Variants in SUMF1 observed in about 807,000 individuals in gnomAD.
SUMF1 encodes sulfatase modifying factor 1.
In SUMF1, 48 loss-of-function variants were observed where a neutral mutation model predicts 47.6. The ratio of observed to expected loss-of-function variants is 1.01; its 90% CI spans 0.80 to 1.28. The LOEUF is 1.28. Among genes scored for constraint, SUMF1 ranks in the 50% most tolerant of loss-of-function variants. SUMF1 has a pLI of 0.00. For missense variants in SUMF1, 571 were observed against 485.4 expected, an observed-to-expected ratio of 1.18 and a Z score of -1.66; for synonymous variants, 230 against 192.1, an observed-to-expected ratio of 1.20 and a Z score of -1.63.
intron 9 of SUMF1, among the ~76,000 whole-genome samples, chr3:4,049,529 T>C (rs1230675325): frequency 6.6e-6 from 1 of 152,156 alleles, no homozygotes; most frequent in East Asian, 1.9e-4. Flanking sequence ...GTGACTCATC[T>C]GTTCAGTAAC....
At chr3:4,211,121 TACACACACACAC>T (rs1553609385) in intron 8 of SUMF1, among the ~76,000 whole-genome samples, 4 of 128,266 alleles carry the variant, frequency 3.1e-5, no homozygotes, top group African/African-American at 6.0e-5. Flanking sequence ...TATATATATA[TACACACACACAC>T]ACATATATAC....
chr3:4,108,795 C>T (rs538593361), intron 8 of SUMF1, among the ~76,000 whole-genome samples: 6 of 152,068 alleles, frequency 3.9e-5, no homozygotes, highest in African/African-American at 1.5e-4. Context: ...TCCTCCATCC[C>T]TTTATTTTGA....
chr3:4,147,524 G>A lies in SUMF1; in HGVS notation c.1015-78779C>T, dbSNP rs563554568. ...AAAGTTTTTAACTCTGCTAGCAGAT[G>A]CTTGGTACCAGAGCCGAGATAATAA... On this transcript the variant is annotated intron_variant and NMD_transcript_variant, in intron 8 of 12. Coordinates refer to the SUMF1 transcript ENST00000448413. Among the ~76,000 whole-genome samples the A allele has an allele frequency of 8.5e-5, 13 of 152,274 alleles. No homozygotes were observed. The East Asian group carries it at 2.3e-3, about 27-fold the overall frequency.
chr3:4,345,984 T>A (rs887032870), intron 8 of SUMF1, among the ~76,000 whole-genome samples: 2 of 152,206 alleles, frequency 1.3e-5, no homozygotes, highest in Non-Finnish European at 2.9e-5. Context: ...CTAACTATCC[T>A]GAATGTATAT....
chr3:4,186,249 T>A (rs1695198246), intron 8 of SUMF1, among the ~76,000 whole-genome samples: 1 of 152,022 alleles, frequency 6.6e-6, no homozygotes, highest in African/African-American at 2.4e-5. Flanking sequence ...AAGAAGAGAA[T>A]CAGAACCTGA....
chr3:4,418,296 C>G (rs940275556), intron 4 of SUMF1, among the ~76,000 whole-genome samples, 164 bp from the exon 5 acceptor site: 14 of 152,230 alleles, frequency 9.2e-5, no homozygotes, highest in Admixed American at 3.3e-4. Context: ...TCATGCTCCA[C>G]CAACGGTTTC....
intron 8 of SUMF1, among the ~76,000 whole-genome samples, chr3:4,287,329 T>C (rs1361477561): frequency 6.6e-6 from 1 of 152,134 alleles, no homozygotes. Flanking sequence ...ACATCAGTTG[T>C]TCACAGTAAA....
intron 8 of SUMF1, among the ~76,000 whole-genome samples, chr3:4,294,126 G>C (rs973017912): frequency 6.6e-6 from 1 of 152,188 alleles, no homozygotes; most frequent in African/African-American, 2.4e-5. Flanking sequence ...TGGAATTGTT[G>C]TGAGGATCAA....
chr3:4,318,839 G>A (rs1698754250), intron 8 of SUMF1, among the ~76,000 whole-genome samples: 1 of 151,978 alleles, frequency 6.6e-6, no homozygotes, highest in African/African-American at 2.4e-5. Context: ...ACCTGGGGTG[G>A]AGGTTACAGC....
intron 9 of SUMF1, among the ~76,000 whole-genome samples, chr3:4,045,562 T>C (rs957434170): frequency 6.6e-5 from 10 of 152,102 alleles, no homozygotes; most frequent in Admixed American, 3.9e-4. Context: ...AGGATGTGTA[T>C]GTAGAATTAC....
intron 8 of SUMF1, among the ~76,000 whole-genome samples, chr3:4,120,017 T>C (rs1234654507): frequency 3.3e-5 from 5 of 152,134 alleles, no homozygotes; most frequent in Non-Finnish European, 7.3e-5. Flanking sequence ...CCCTCCTGAT[T>C]CTTAATTTAG....
chr3:4,041,973 T>C (rs575299046), intron 9 of SUMF1, among the ~76,000 whole-genome samples: 1 of 152,262 alleles, frequency 6.6e-6, no homozygotes, highest in African/African-American at 2.4e-5. Context: ...TTTACAAAGA[T>C]GATAATAGTC....
At chr3:4,156,381 A>G (rs1239273078) in intron 8 of SUMF1, among the ~76,000 whole-genome samples, 1 of 151,550 alleles carries the variant, frequency 6.6e-6, no homozygotes, top group Non-Finnish European at 1.5e-5. Context: ...ACCTAATCTA[A>G]CGTTATCTAT....
intron 9 of SUMF1, among the ~76,000 whole-genome samples, chr3:4,065,958 AC>A (rs1695366501): frequency 6.6e-6 from 1 of 152,074 alleles, no homozygotes. Flanking sequence ...CTCACTGCTC[AC>A]CCGCTGTCTG....
intron 3 of SUMF1, among the ~76,000 whole-genome samples, chr3:4,448,927 T>C (rs761019164): frequency 1.3e-5 from 2 of 152,232 alleles, no homozygotes; most frequent in African/African-American, 2.4e-5. Flanking sequence ...AATTTTAAAA[T>C]GTTCTCATTG....
At chr3:4,122,414 GAAGT>G (rs1693566434) in intron 8 of SUMF1, among the ~76,000 whole-genome samples, 2 of 152,032 alleles carry the variant, frequency 1.3e-5, no homozygotes, top group South Asian at 2.1e-4. Context: ...TGGGAAATAG[GAAGT>G]AAGTATTTAA....
intron 8 of SUMF1, among the ~76,000 whole-genome samples, chr3:4,188,521 C>T (rs1254429308): frequency 6.6e-6 from 1 of 152,174 alleles, no homozygotes; most frequent in East Asian, 1.9e-4. Flanking sequence ...CAGATAACCT[C>T]ATCCAGGGCA....
At chr3:4,165,126 T>C (rs1473305070) in intron 8 of SUMF1, among the ~76,000 whole-genome samples, 7 of 152,156 alleles carry the variant, frequency 4.6e-5, no homozygotes, top group Admixed American at 6.5e-5. Context: ...TTCTATCATT[T>C]ACTTGACTAA....
At chr3:4,440,669 G>GA (rs1288773392) in intron 3 of SUMF1, among the ~76,000 whole-genome samples, 2 of 152,122 alleles carry the variant, frequency 1.3e-5, no homozygotes, top group Non-Finnish European at 2.9e-5. Context: ...ACTGCAGGGG[G>GA]AAAAAAGATG....
Sources: allele counts gnomAD v4.1 joint callset (sites outside exome capture counted in the v4.1 genomes callset), GRCh38; gene constraint gnomAD v4.1.1; transcripts MANE v1.5; gene names NCBI Gene and HGNC (gene_info 2026-07-23, HGNC 2026-07-21).